Variants in MBD5 observed in about 807,000 individuals in gnomAD.
The protein encoded by MBD5 is methyl-CpG-binding domain protein 5.
MBD5 carries 13 observed loss-of-function variants against 117.3 expected under a neutral mutation model. The observed-to-expected ratio is 0.11, with a 90% confidence interval of 0.07 to 0.18. The LOEUF (loss-of-function observed/expected upper bound fraction) is 0.18. Among genes scored for constraint, MBD5 ranks in the 10% least tolerant of loss-of-function variants. MBD5 has a pLI of 1.00. For synonymous variants in MBD5, 727 were observed against 766.4 expected (o/e 0.95, Z 0.85); for missense variants, 1,879 against 2,093.8 (o/e 0.90, Z 2.00).
At position 148,468,695 on chromosome 2, in the gene MBD5, C is replaced by G. The variant is rs1680677511; in HGVS notation, c.752C>G (p.Thr251Arg). ...TDPLGSPDVF[T>R]RSNPGFHGAP... ...CCACTTGGAAGTCCTGATGTTTTCA[C>G]AAGAAGTAATCCTGGTTTTCATGGA... Residue 251 changes from threonine to arginine, a missense_variant, in exon 8 of 14, where the codon ACA (threonine) becomes AGA (arginine). Coordinates refer to ENST00000642680, the MANE Select transcript of MBD5 (RefSeq NM_001378120.1). 6.2e-7 allele frequency: 1 copy of G among 1,613,914 alleles called. No homozygotes were observed. Among genetic ancestry groups the G allele is most frequent in the African/African-American group, 1.3e-5 (1 of 75,004 alleles).
intron 1 of MBD5, among the ~76,000 whole-genome samples, chr2:148,145,929 G>A (rs996505593): frequency 3.3e-5 from 5 of 152,146 alleles, no homozygotes; most frequent in African/African-American, 1.2e-4. Context: ...CTGTGTCTCT[G>A]CCAGGCTTTG....
chr2:148,077,936 A>T (rs748989865), intron 1 of MBD5, among the ~76,000 whole-genome samples: 8 of 152,178 alleles, frequency 5.3e-5, no homozygotes, highest in Admixed American at 1.3e-4. Flanking sequence ...AGTCTGCTAA[A>T]TTCCACACCA....
intron 1 of MBD5, among the ~76,000 whole-genome samples, chr2:148,107,108 T>C (rs1696391332): frequency 6.6e-6 from 1 of 152,052 alleles, no homozygotes; most frequent in Admixed American, 6.6e-5. Flanking sequence ...GTAAAACCTC[T>C]CAATCCTTAT....
intron 4 of MBD5, among the ~76,000 whole-genome samples, chr2:148,431,291 A>G (rs915926997): frequency 6.6e-6 from 1 of 152,178 alleles, no homozygotes; most frequent in African/African-American, 2.4e-5. Flanking sequence ...TTTCCAAATT[A>G]GACCAATAAA....
intron 1 of MBD5, among the ~76,000 whole-genome samples, chr2:148,126,450 T>G (rs1696899427): frequency 6.6e-6 from 1 of 151,562 alleles, no homozygotes; most frequent in Non-Finnish European, 1.5e-5. Flanking sequence ...AAAGGAAAAG[T>G]TACTAAAGAT....
chr2:148,469,516 T>C lies in MBD5; in HGVS notation c.1573T>C (p.Leu525=). Residue 525 remains leucine (L), a synonymous_variant, in exon 8 of 14, where the codon TTA becomes CTA. Coordinates refer to ENST00000642680, the MANE Select transcript of MBD5 (RefSeq NM_001378120.1). ...HHQYKDIPNP[L]IAGISNVLNT... is the part of the protein sequence containing the mutation. ...TCAGTACAAGGATATCCCTAACCCATTAATTGCTGGAATAAGTAATGTACT... is the reference window on the plus strand; with the variant it reads ...TCAGTACAAGGATATCCCTAACCCACTAATTGCTGGAATAAGTAATGTACT... 6.2e-7 allele frequency: 1 copy of C among 1,613,728 alleles called. No homozygotes were observed. The highest frequency in any genetic ancestry group is 8.5e-7 in the Non-Finnish European group (1 of 1,179,896).
intron 1 of MBD5, among the ~76,000 whole-genome samples, chr2:148,079,683 C>A (rs895421393): frequency 6.6e-6 from 1 of 151,820 alleles, no homozygotes; most frequent in African/African-American, 2.4e-5. Context: ...ATGGTGAAAC[C>A]CCGTCTCTAC....
chr2:148,482,327 A>T (rs1471807038), intron 8 of MBD5, among the ~76,000 whole-genome samples: 2 of 152,146 alleles, frequency 1.3e-5, no homozygotes, highest in Non-Finnish European at 2.9e-5. Context: ...ATGACTGTGG[A>T]TTGATTAAAG....
At chr2:148,114,861 A>T (rs773384334) in intron 1 of MBD5, among the ~76,000 whole-genome samples, 7 of 152,110 alleles carry the variant, frequency 4.6e-5, no homozygotes, top group Non-Finnish European at 1.0e-4. Flanking sequence ...TTTATTGCTG[A>T]TTCTAATAAC....
chr2:148,267,664 T>C (rs991430179), intron 3 of MBD5, among the ~76,000 whole-genome samples: 1 of 152,182 alleles, frequency 6.6e-6, no homozygotes. Context: ...ACTAAATATA[T>C]GTTATTGTTA....
At chr2:148,188,995 C>G (rs770350696) in intron 2 of MBD5, among the ~76,000 whole-genome samples, 1 of 149,696 alleles carries the variant, frequency 6.7e-6, no homozygotes, top group African/African-American at 2.5e-5. Context: ...AAAGGGGTGA[C>G]GGACGCACCT....
At chr2:148,165,018 C>T (rs899691122) in intron 1 of MBD5, among the ~76,000 whole-genome samples, 1 of 152,028 alleles carries the variant, frequency 6.6e-6, no homozygotes, top group Admixed American at 6.6e-5. Context: ...ACTTGTTTTC[C>T]AAATGTGAAT....
chr2:148,406,627 C>T (rs1049224434), intron 4 of MBD5, among the ~76,000 whole-genome samples: 3 of 142,278 alleles, frequency 2.1e-5, no homozygotes, highest in Non-Finnish European at 4.6e-5. Context: ...TAAATCCATA[C>T]ATGATTCCCT....
At chr2:148,117,881 A>C (rs1696678099) in intron 1 of MBD5, among the ~76,000 whole-genome samples, 2 of 152,218 alleles carry the variant, frequency 1.3e-5, no homozygotes, top group Non-Finnish European at 2.9e-5. Context: ...GATAGCTAGA[A>C]TAAGACCTAA....
chr2:148,211,406 C>T (rs1451765116), intron 2 of MBD5, among the ~76,000 whole-genome samples: 1 of 152,156 alleles, frequency 6.6e-6, no homozygotes, highest in Non-Finnish European at 1.5e-5. Flanking sequence ...AAACTTTGGA[C>T]TCAGAGAAAA....
intron 1 of MBD5, among the ~76,000 whole-genome samples, chr2:148,103,461 T>C (rs1216695483): frequency 6.6e-6 from 1 of 152,192 alleles, no homozygotes; most frequent in Non-Finnish European, 1.5e-5. Context: ...TCATCACTGA[T>C]AGAGGGAGAG....
In MBD5 at chr2:148,109,226, C is replaced by T. The variant is rs540374386; in HGVS notation, c.-924-69474C>T. 2.8e-4 allele frequency among the ~76,000 whole-genome samples: 43 copies of T among 152,010 alleles called. 1 individual carries two copies. Among genetic ancestry groups the T allele is most frequent in the South Asian group, 8.3e-4 (4 of 4,808 alleles). ...CTTGAGGCCAGGAGGTGGAGGCTGC[C>T]GTGAGCCATGTTTGCACCGCTGTAC... is the stretch of plus-strand genomic sequence containing the variant. On this transcript the variant is annotated intron_variant, in intron 1 of 13. Transcript: ENST00000642680.
intron 1 of MBD5, chr2:148,055,851 A>G (rs1401663317): frequency 1.3e-5 from 2 of 152,206 alleles, no homozygotes; most frequent in African/African-American, 4.8e-5. Context: ...TTGGTGAAGT[A>G]GTTCTGAATC....
At chr2:148,223,162 G>A (rs1263246272) in intron 2 of MBD5, among the ~76,000 whole-genome samples, 1 of 151,970 alleles carries the variant, frequency 6.6e-6, no homozygotes, top group Non-Finnish European at 1.5e-5. Context: ...GTTGAATTTG[G>A]TTTGCTAGTA....
Sources: allele counts gnomAD v4.1 joint callset (sites outside exome capture counted in the v4.1 genomes callset), GRCh38; gene constraint gnomAD v4.1.1; transcripts MANE v1.5; gene names NCBI Gene and HGNC (gene_info 2026-07-23, HGNC 2026-07-21).